Variants in JAKMIP1 observed in about 807,000 individuals in gnomAD.
JAKMIP1 encodes janus kinase and microtubule interacting protein 1.
In JAKMIP1, 33 loss-of-function variants were observed where a neutral mutation model predicts 113.0. That is an observed-to-expected ratio of 0.29 (90% CI 0.22 to 0.39). The LOEUF is 0.39. Among genes scored for constraint, JAKMIP1 ranks in the 10% least tolerant of loss-of-function variants. The probability of loss-of-function intolerance (pLI) is 1.00; values close to 1 mark genes in which losing one functional copy is unlikely to be tolerated. For synonymous variants in JAKMIP1, 480 were observed against 459.9 expected (o/e 1.04, Z -0.56); for missense variants, 813 against 1,080.5 (o/e 0.75, Z 3.47).
Position 6,026,244 on chromosome 4 carries a change from A to G in JAKMIP1, c.2480T>C (p.Phe827Ser). The change falls in exon 21 of 21, where the codon TTC (phenylalanine) becomes TCC (serine). Residue 827 changes from phenylalanine (F) to serine (S), a missense_variant. Transcript: ENST00000409021. Reference sequence around the variant, plus strand: ...CTGAAGTCATCAAGGCCACAGAATGAATGCTAGTGAGAAAAACAAAAAAAG... The same window carrying G: ...CTGAAGTCATCAAGGCCACAGAATGGATGCTAGTGAGAAAAACAAAAAAAG... The part of the protein sequence containing the change: ...LFLFLFFSLA[F>S]ILWP 1 of 1,546,524 alleles carries G rather than the reference A, an allele frequency of 6.5e-7. No homozygotes were observed. Among genetic ancestry groups the G allele is most frequent in the African/African-American group, 1.4e-5 (1 of 72,960 alleles).
intron 1 of JAKMIP1, among the ~76,000 whole-genome samples, chr4:6,131,564 T>C (rs1012685798): frequency 3.3e-5 from 5 of 151,958 alleles, no homozygotes; most frequent in African/African-American, 1.2e-4. Flanking sequence ...ACCCCATCTC[T>C]ACAAAAACTA....
At chr4:6,121,199 CA>C (rs33951121) in intron 1 of JAKMIP1, among the ~76,000 whole-genome samples, 16 of 128,330 alleles carry the variant, frequency 1.2e-4, no homozygotes, top group African/African-American at 2.7e-4. Context: ...GACCTTGTCT[CA>C]AAAAAAAAAA....
rs1553864663 is a variant in JAKMIP1 at position 6,183,478 on chromosome 4, C to CATAAATAAATA, written c.-148+16774_-148+16775insTATTTATTTAT. On this transcript the variant is annotated intron_variant, in intron 1 of 20. Coordinates refer to ENST00000409021, the MANE Select transcript of JAKMIP1 (RefSeq NM_001099433.2). This position sits in a 1 kb window ranked among gnomAD's most constrained non-coding sequence, Gnocchi z 5.3. ...TGGGTGACAGAGCAAGACTCTGTCTCAATAAATAAATAAATAAATAAATAA... is the reference window on the plus strand; with the variant it reads ...TGGGTGACAGAGCAAGACTCTGTCTCATAAATAAATAAATAAATAAATAAATAAATAAATAA... 7.9e-6 allele frequency among the ~76,000 whole-genome samples: 1 copy of CATAAATAAATA among 126,708 alleles called. No homozygotes were observed. The highest frequency in any genetic ancestry group is 3.0e-5 in the African/African-American group (1 of 33,868). 83.1% of individuals were successfully genotyped at this position (126,708 alleles called of 152,430 possible). A position where few individuals can be genotyped will look rare whatever the true frequency, so the allele number is the denominator to read the frequency against.
chr4:6,107,648 C>A (rs1006824643), intron 2 of JAKMIP1, among the ~76,000 whole-genome samples: 4 of 152,146 alleles, frequency 2.6e-5, no homozygotes, highest in Non-Finnish European at 5.9e-5. Flanking sequence ...TCAACCCTTG[C>A]CTGAATCTCC....
At chr4:6,125,761 C>G (rs1272050487) in intron 1 of JAKMIP1, among the ~76,000 whole-genome samples, 1 of 131,072 alleles carries the variant, frequency 7.6e-6, no homozygotes, top group African/African-American at 3.0e-5. Flanking sequence ...AACACACACG[C>G]ACACCATACA....
At chr4:6,164,328 T>C (rs1418016944) in intron 1 of JAKMIP1, among the ~76,000 whole-genome samples, 2 of 152,186 alleles carry the variant, frequency 1.3e-5, no homozygotes, top group African/African-American at 4.8e-5. Context: ...ACAGCACATC[T>C]GTCTGTAGCA....
chr4:6,068,902 G>T (rs1478695340), intron 8 of JAKMIP1, among the ~76,000 whole-genome samples: 1 of 151,854 alleles, frequency 6.6e-6, no homozygotes, highest in East Asian at 1.9e-4. Flanking sequence ...TATAACACTG[G>T]GTTAGTGTTT....
At chr4:6,026,385 G>T (rs142495180) in intron 20 of JAKMIP1, 107 bp from the exon 21 acceptor site, 6,643 of 663,118 alleles carry the variant, frequency 0.01, 73 homozygotes, top group Non-Finnish European at 0.011. Flanking sequence ...ACAAGAACTA[G>T]GACACTGAGT....
Position 6,093,047 on chromosome 4 carries a change from T to G in JAKMIP1, c.625-7418A>C, listed in dbSNP as rs1722300658. Among the ~76,000 whole-genome samples, 1 of 152,242 alleles carries G rather than the reference T, an allele frequency of 6.6e-6. No individual in the cohort carries two copies. Among genetic ancestry groups the G allele is most frequent in the African/African-American group, 2.4e-5 (1 of 41,474 alleles). On this transcript the variant is annotated intron_variant, in intron 3 of 20. Transcript: ENST00000409021. The surrounding 1 kb of genome is among the most constrained non-coding windows in gnomAD (Gnocchi z 4.6). ...ATCATGGCTATTTTAGAGATATGGT[T>G]AAAATGATCACATCATGCCCCATTA...
At position 6,042,785 on chromosome 4, in the gene JAKMIP1, C is replaced by T. The variant is rs1714499808; in HGVS notation, c.2029-558G>A. Among the ~76,000 whole-genome samples, 1 of 152,016 alleles carries T rather than the reference C, an allele frequency of 6.6e-6. No individual in the cohort carries two copies. ...ACGTGAGTTGGAGCAGCCCAGAGTG[C>T]CTGGTGCCACCATGAGAGGAGGTGG... On this transcript the variant is annotated intron_variant, in intron 16 of 20. Coordinates refer to ENST00000409021, the MANE Select transcript of JAKMIP1 (RefSeq NM_001099433.2). The surrounding 1 kb of genome is among the most constrained non-coding windows in gnomAD (Gnocchi z 5.2).
rs188968114 is a variant in JAKMIP1, at chr4:6,150,944, C to T, written c.-147-37947G>A. ...ACATTTACAACCCCACCAGTGGGTC[C>T]CTGTCATCCACCAAAAGCAAAACAC... On this transcript the variant is annotated intron_variant, in intron 1 of 20. Transcript: ENST00000409021. This position sits in a 1 kb window ranked among gnomAD's most constrained non-coding sequence, Gnocchi z 4.8. Among the ~76,000 whole-genome samples the T allele has an allele frequency of 7.0e-4, 106 of 152,258 alleles. No individual in the cohort carries two copies. Among genetic ancestry groups the T allele is most frequent in the African/African-American group, 1.9e-3 (80 of 41,542 alleles).
In JAKMIP1 at chr4:6,089,822, C is replaced by G. The variant is rs1721792100; in HGVS notation, c.625-4193G>C. Among the ~76,000 whole-genome samples the G allele has an allele frequency of 6.6e-6, 1 of 152,226 alleles. No individual in the cohort carries two copies. The highest frequency in any genetic ancestry group is 2.4e-5 in the African/African-American group (1 of 41,454). On this transcript the variant is annotated intron_variant, in intron 3 of 20. Coordinates refer to ENST00000409021, the MANE Select transcript of JAKMIP1 (RefSeq NM_001099433.2). The surrounding 1 kb of genome is among the most constrained non-coding windows in gnomAD (Gnocchi z 5.3). ...AATAATGTCCCCCAAAATGTCACAT[C>G]TACCCCGAAAATCAGAATGTCACCT...
In JAKMIP1 at chr4:6,081,842, C is replaced by A; in HGVS notation, c.955-87G>T. The A allele has an allele frequency of 6.8e-7, 1 of 1,478,774 alleles. No homozygotes were observed. Among genetic ancestry groups the A allele is most frequent in the South Asian group, 1.2e-5 (1 of 82,306 alleles). 91.6% of individuals were successfully genotyped at this position (1,478,774 alleles called of 1,614,324 possible). On this transcript the variant is annotated intron_variant, in intron 5 of 20. Coordinates refer to ENST00000409021, the MANE Select transcript of JAKMIP1 (RefSeq NM_001099433.2). The surrounding 1 kb of genome is among the most constrained non-coding windows in gnomAD (Gnocchi z 4.6). ...CACCGAGGTGAGCAGAGACTCAACC[C>A]AGTTAGGACCCCTTCTGAGGCCAGT...
chr4:6,078,228 T>C (rs1489827623), intron 8 of JAKMIP1, among the ~76,000 whole-genome samples: 1 of 151,318 alleles, frequency 6.6e-6, no homozygotes, highest in Non-Finnish European at 1.5e-5. Context: ...GGCAGGAGAA[T>C]CATTTAAACC....
At position 6,098,548 on chromosome 4, in the gene JAKMIP1, A is replaced by G. The variant is rs1024113613; in HGVS notation, c.624+6925T>C. On this transcript the variant is annotated intron_variant, in intron 3 of 20. Coordinates refer to ENST00000409021, the MANE Select transcript of JAKMIP1 (RefSeq NM_001099433.2). ...AAAGAGAGAGAGAGAGAGAAAGAAA[A>G]AGAAAGAAAGAAAGAAAGAAAGAAA... 3.0e-3 allele frequency among the ~76,000 whole-genome samples: 29 copies of G among 9,604 alleles called. No individual in the cohort carries two copies. The Non-Finnish European group carries it at 0.05, about 17-fold the overall frequency. 6.3% of individuals were successfully genotyped at this position (9,604 alleles called of 152,430 possible).
intron 16 of JAKMIP1, among the ~76,000 whole-genome samples, chr4:6,043,921 G>A (rs763558867): frequency 2.0e-5 from 3 of 151,958 alleles, no homozygotes; most frequent in African/African-American, 7.3e-5. Flanking sequence ...GCACTCTCCT[G>A]TCCCCACTGA....
At position 6,050,793 on chromosome 4, in the gene JAKMIP1, A is replaced by G; in HGVS notation, c.1807-114T>C. ...ATTCCAGTGGGCACAGACGTTACTA[A>G]AAAGCACGAGTTCGGACTAGAAGCA... is the stretch of plus-strand genomic sequence containing the variant. On this transcript the variant is annotated intron_variant, in intron 13 of 20. Coordinates refer to ENST00000409021, the MANE Select transcript of JAKMIP1 (RefSeq NM_001099433.2). The surrounding 1 kb of genome is among the most constrained non-coding windows in gnomAD (Gnocchi z 7.4). 1 of 811,002 alleles carries G rather than the reference A, an allele frequency of 1.2e-6. No homozygotes were observed. Among genetic ancestry groups the G allele is most frequent in the Non-Finnish European group, 2.0e-6 (1 of 500,228 alleles). The allele number at this position is 811,002 out of a possible 1,614,324, so 50.2% of individuals were successfully genotyped here. A position where few individuals can be genotyped will look rare whatever the true frequency, so the allele number is the denominator to read the frequency against.
intron 1 of JAKMIP1, among the ~76,000 whole-genome samples, chr4:6,175,594 G>T (rs1725254681): frequency 6.6e-6 from 1 of 152,200 alleles, no homozygotes; most frequent in African/African-American, 2.4e-5. Context: ...AAAAATGGTA[G>T]CCTGCTTTCA....
At chr4:6,078,826 G>C (rs2108816624) in intron 8 of JAKMIP1, 113 bp downstream of exon 8, 1 of 905,194 alleles carries the variant, frequency 1.1e-6, no homozygotes, top group South Asian at 1.4e-5. Flanking sequence ...ATGCAGAGAT[G>C]TGTGTGTCTG....
Sources: allele counts gnomAD v4.1 joint callset (sites outside exome capture counted in the v4.1 genomes callset), GRCh38; gene constraint gnomAD v4.1.1; non-coding constraint Gnocchi (gnomAD v3.1); transcripts MANE v1.5; gene names NCBI Gene and HGNC (gene_info 2026-07-23, HGNC 2026-07-21).